DIP2A: variants seen among roughly 807,000 people sequenced by gnomAD.
DIP2A encodes the protein disco-interacting protein 2 homolog A.
A neutral mutation model predicts 177.4 loss-of-function variants in DIP2A; 85 were observed. The ratio of observed to expected loss-of-function variants is 0.48; its 90% CI spans 0.40 to 0.57. DIP2A has a LOEUF of 0.57. Among genes scored for constraint, DIP2A ranks in the 20% least tolerant of loss-of-function variants. The pLI is 0.00. For synonymous variants in DIP2A, 886 were observed against 881.8 expected (o/e 1.00, Z -0.08); for missense variants, 1,791 against 2,100.2 (o/e 0.85, Z 2.88).
rs756419863 is a variant in DIP2A at position 46,561,769 on chromosome 21, T to G, written c.4053T>G (p.Gly1351=). 6.2e-7 allele frequency: 1 copy of G among 1,613,976 alleles called. No individual in the cohort carries two copies. The highest frequency in any genetic ancestry group is 8.5e-7 in the Non-Finnish European group (1 of 1,179,886). ...RHDRVRLVER[G]SPHSLPLMES... Reference sequence around the variant, plus strand: ...TTAGGGTTCGTTTGGTAGAACGGGGTTCTCCGCACAGCCTGCCATTGATGG... The same window carrying G: ...TTAGGGTTCGTTTGGTAGAACGGGGGTCTCCGCACAGCCTGCCATTGATGG... The change falls in exon 34 of 38, where the codon GGT becomes GGG. Residue 1351 remains glycine (G), a synonymous_variant. Coordinates refer to ENST00000417564, the MANE Select transcript of DIP2A (RefSeq NM_015151.4).
At position 46,554,846 on chromosome 21, in the gene DIP2A, A is replaced by G; in HGVS notation, c.3301A>G (p.Thr1101Ala). ...VEVSKSACVLTTQAVTRLLRS... is the reference protein window; with the variant it reads ...VEVSKSACVLATQAVTRLLRS... ...GGTCAGCAAGTCTGCATGCGTCCTC[A>G]CCACGCAGGCTGTCACACGGCTGCT... The change falls in exon 28 of 38, where the codon ACC (threonine) becomes GCC (alanine). Residue 1101 changes from threonine to alanine, a missense_variant. Physicochemically the swap from Thr to Ala is moderately conservative, Grantham distance 58 (BLOSUM62 0). Transcript: ENST00000417564. The G allele has an allele frequency of 6.7e-7, 1 of 1,503,416 alleles. No homozygotes were observed. Among genetic ancestry groups the G allele is most frequent in the South Asian group, 1.2e-5 (1 of 82,834 alleles). The allele number at this position is 1,503,416 out of a possible 1,614,324, so 93.1% of individuals were successfully genotyped here. A position where few individuals can be genotyped will look rare whatever the true frequency, so the allele number is the denominator to read the frequency against.
At chr21:46,484,942 A>C in intron 2 of DIP2A, 114 bp downstream of exon 2, 1 of 983,792 alleles carries the variant, frequency 1.0e-6, no homozygotes. Context: ...AACTTTAAAC[A>C]CTGGTATATG....
At chr21:46,513,288 T>C (rs1200125255) in intron 8 of DIP2A, among the ~76,000 whole-genome samples, 6 of 152,212 alleles carry the variant, frequency 3.9e-5, no homozygotes, top group Non-Finnish European at 7.3e-5. Context: ...AAGTTGTATA[T>C]TGTTGGTATA....
rs16979410 is a variant in DIP2A at position 46,566,269 on chromosome 21, G to A, written c.4340-291G>A. Among the ~76,000 whole-genome samples, 707 of 152,332 alleles carry A rather than the reference G, an allele frequency of 4.6e-3. 6 individuals are homozygous for A. The highest frequency in any genetic ancestry group is 0.016 in the African/African-American group (669 of 41,564). On this transcript the variant is annotated intron_variant, in intron 36 of 37. Coordinates refer to ENST00000417564, the MANE Select transcript of DIP2A (RefSeq NM_015151.4). Reference sequence around the variant, plus strand: ...AGCCACCACAAGCTGGCCAGATAAGGCAGAACTTTTGGTAGCTCCTATAGA... The same window carrying A: ...AGCCACCACAAGCTGGCCAGATAAGACAGAACTTTTGGTAGCTCCTATAGA...
chr21:46,486,406 C>G (rs2056700893), intron 2 of DIP2A, among the ~76,000 whole-genome samples: 1 of 152,180 alleles, frequency 6.6e-6, no homozygotes. Flanking sequence ...GTTGCCCAGA[C>G]TGGTCTTGAA....
At chr21:46,489,403 G>A (rs2056880435) in intron 2 of DIP2A, among the ~76,000 whole-genome samples, 1 of 152,152 alleles carries the variant, frequency 6.6e-6, no homozygotes, top group African/African-American at 2.4e-5. Flanking sequence ...TGGCTGTTGG[G>A]GTGGGGAGAC....
chr21:46,472,704 C>T (rs940263793), intron 1 of DIP2A, among the ~76,000 whole-genome samples: 1 of 152,198 alleles, frequency 6.6e-6, no homozygotes, highest in African/African-American at 2.4e-5. Context: ...GGCTAACTTA[C>T]AGCAGGGCTC....
chr21:46,559,533 C>T (rs1034339890), intron 32 of DIP2A, among the ~76,000 whole-genome samples: 11 of 152,198 alleles, frequency 7.2e-5, no homozygotes, highest in South Asian at 4.1e-4. Flanking sequence ...GGAGATCGGG[C>T]GGGAGCCTTT....
At chr21:46,488,928 T>C (rs2056845085) in intron 2 of DIP2A, among the ~76,000 whole-genome samples, 1 of 152,238 alleles carries the variant, frequency 6.6e-6, no homozygotes, top group South Asian at 2.1e-4. Context: ...TCTGTGTATA[T>C]GTCACTTTAC....
chr21:46,470,497 G>A (rs1223610532), intron 1 of DIP2A, among the ~76,000 whole-genome samples: 3 of 151,744 alleles, frequency 2.0e-5, no homozygotes, highest in South Asian at 2.1e-4. Flanking sequence ...GGGGGGCCAG[G>A]CACGGTAGCT....
chr21:46,564,081 C>A, intron 35 of DIP2A, 149 bp downstream of exon 35: 2 of 886,030 alleles, frequency 2.3e-6, no homozygotes, highest in Non-Finnish European at 3.4e-6. Context: ...ACCTCCCAGA[C>A]CCAGTTCCTA....
At chr21:46,462,703 G>A (rs2054426187) in intron 1 of DIP2A, 2 of 150,866 alleles carry the variant, frequency 1.3e-5, no homozygotes, top group South Asian at 4.1e-4. Flanking sequence ...TTGTCACTGT[G>A]CTTGGTAGGT....
intron 3 of DIP2A, among the ~76,000 whole-genome samples, chr21:46,492,215 T>C (rs2057054275): frequency 6.6e-6 from 1 of 152,182 alleles, no homozygotes; most frequent in African/African-American, 2.4e-5. Flanking sequence ...TGCATGGAGG[T>C]AGTCAGCTGT....
the DIP2A span, among the ~76,000 whole-genome samples, chr21:46,577,028 C>T: frequency 2.6e-5 from 4 of 152,044 alleles, no homozygotes; most frequent in African/African-American, 9.7e-5. Context: ...AGATATTGGG[C>T]CTTTGTCAGA....
chr21:46,548,839 CT>C (rs1170092641), intron 21 of DIP2A, among the ~76,000 whole-genome samples: 1 of 152,162 alleles, frequency 6.6e-6, no homozygotes, highest in Non-Finnish European at 1.5e-5. Flanking sequence ...TTGAGCTTAT[CT>C]GTATTCTCAC....
Position 46,488,997 on chromosome 21 carries a change from A to G in DIP2A, c.164-1603A>G, listed in dbSNP as rs530229573. Among the ~76,000 whole-genome samples the G allele has an allele frequency of 2.0e-5, 3 of 152,340 alleles. No individual in the cohort carries two copies. In the East Asian group the frequency reaches 5.8e-4, roughly 29 times the overall value. On this transcript the variant is annotated intron_variant, in intron 2 of 37. Transcript: ENST00000417564. ...CTCTGTATTGTCCGTTGTGAACTTTAAAGTTGTTTTATCCAGTCACAAAAA... is the reference window on the plus strand; with the variant it reads ...CTCTGTATTGTCCGTTGTGAACTTTGAAGTTGTTTTATCCAGTCACAAAAA...
intron 20 of DIP2A, chr21:46,546,433 T>A: frequency 2.2e-6 from 1 of 451,272 alleles, no homozygotes; most frequent in Non-Finnish European, 3.0e-6. Flanking sequence ...TGGCATCTAG[T>A]GAGTACCTAG....
chr21:46,518,763 A>G (rs2058694158), intron 8 of DIP2A, among the ~76,000 whole-genome samples: 2 of 152,226 alleles, frequency 1.3e-5, no homozygotes, highest in African/African-American at 4.8e-5. Flanking sequence ...AGGCTGAGGC[A>G]TGAGAATTGC....
chr21:46,475,648 G>A (rs540480957), intron 1 of DIP2A, among the ~76,000 whole-genome samples: 1 of 152,268 alleles, frequency 6.6e-6, no homozygotes, highest in South Asian at 2.1e-4. Flanking sequence ...CCAAAAACTT[G>A]TGTGAGTCAT....
Sources: allele counts gnomAD v4.1 joint callset (sites outside exome capture counted in the v4.1 genomes callset), GRCh38; gene constraint gnomAD v4.1.1; transcripts MANE v1.5; gene names NCBI Gene and HGNC (gene_info 2026-07-23, HGNC 2026-07-21).